The following IL1RAPL2 variants were observed in gnomAD, a reference collection of about 807,000 sequenced individuals.
IL1RAPL2 encodes the protein X-linked interleukin-1 receptor accessory protein-like 2.
IL1RAPL2 carries 3 observed loss-of-function variants against 44.1 expected under a neutral mutation model. That is an observed-to-expected ratio of 0.07 (90% CI 0.03 to 0.18). IL1RAPL2 has a LOEUF of 0.18. Among genes scored for constraint, IL1RAPL2 ranks in the 10% least tolerant of loss-of-function variants. IL1RAPL2 has a pLI of 1.00. For synonymous variants in IL1RAPL2, 181 were observed against 178.8 expected (o/e 1.01, Z -0.10); for missense variants, 391 against 496.4 (o/e 0.79, Z 2.02).
intron 2 of IL1RAPL2, among the ~76,000 whole-genome samples, chrX:105,165,182 C>A (rs1602986990): frequency 1.8e-5 from 2 of 111,946 alleles, no homozygotes; most frequent in South Asian, 7.6e-4. Flanking sequence ...CCTCTACATA[C>A]AGGAAATTAT....
chrX:104,782,462 T>G (rs1444643874), intron 2 of IL1RAPL2, among the ~76,000 whole-genome samples: 6 of 111,778 alleles, frequency 5.4e-5, no homozygotes, highest in Non-Finnish European at 9.4e-5. Context: ...ATGCTAATAT[T>G]CACTTAGTTT....
rs782412735 is a variant in IL1RAPL2 at position 105,198,307 on chromosome X, T to C, written c.356+2559T>C. Among the ~76,000 whole-genome samples, 24 of 111,981 alleles carry C rather than the reference T, an allele frequency of 2.1e-4. No homozygotes were observed. The South Asian group carries it at 8.9e-3, about 42-fold the overall frequency. ...TTGAATGGTTAAATATATAATATTGTATGTTGCTTAATATTTTATGATAAC... is the reference window on the plus strand; with the variant it reads ...TTGAATGGTTAAATATATAATATTGCATGTTGCTTAATATTTTATGATAAC... On this transcript the variant is annotated intron_variant, in intron 3 of 10. Coordinates refer to ENST00000372582, the MANE Select transcript of IL1RAPL2 (RefSeq NM_017416.2).
At chrX:105,526,504 C>G (rs1232028103) in intron 6 of IL1RAPL2, among the ~76,000 whole-genome samples, 1 of 111,697 alleles carries the variant, frequency 9.0e-6, no homozygotes, top group Non-Finnish European at 1.9e-5. Flanking sequence ...TATCAAAGAT[C>G]AAATCTTGAG....
intron 6 of IL1RAPL2, among the ~76,000 whole-genome samples, chrX:105,645,111 T>G (rs918653989): frequency 8.9e-6 from 1 of 111,900 alleles, no homozygotes; most frequent in African/African-American, 3.3e-5. Context: ...TCAGGTTTGA[T>G]GTTTGTGTTT....
intron 2 of IL1RAPL2, among the ~76,000 whole-genome samples, chrX:105,173,063 A>G (rs1373223668): frequency 9.0e-6 from 1 of 111,226 alleles, no homozygotes; most frequent in East Asian, 2.8e-4. Flanking sequence ...CTGAACTACA[A>G]TGACTAGGGG....
intron 2 of IL1RAPL2, among the ~76,000 whole-genome samples, chrX:105,012,674 C>CACACAGAGAG (rs1258556672): frequency 7.4e-5 from 6 of 81,276 alleles, no homozygotes; most frequent in African/African-American, 2.9e-4. Context: ...CACACACACA[C>CACACAGAGAG]AGAGAGAGAG....
chrX:104,934,712 C>T (rs753081249), intron 2 of IL1RAPL2, among the ~76,000 whole-genome samples: 9 of 111,565 alleles, frequency 8.1e-5, no homozygotes, highest in Non-Finnish European at 1.1e-4. Context: ...ATAGGCTCAT[C>T]GTAGTCTAGG....
intron 6 of IL1RAPL2, among the ~76,000 whole-genome samples, chrX:105,625,486 A>C (rs373022665): frequency 3.6e-5 from 4 of 112,207 alleles, no homozygotes; most frequent in South Asian, 7.4e-4. Context: ...TGTGTATCTG[A>C]CTTTAGTATG....
At chrX:104,907,987 C>T (rs1320022220) in intron 2 of IL1RAPL2, among the ~76,000 whole-genome samples, 3 of 110,329 alleles carry the variant, frequency 2.7e-5, no homozygotes, top group Non-Finnish European at 5.7e-5. Flanking sequence ...TTGGGTGCTC[C>T]TGTGTTGGGT....
At chrX:104,585,402 A>T (rs201061115) in intron 1 of IL1RAPL2, among the ~76,000 whole-genome samples, 7 of 13,912 alleles carry the variant, frequency 5.0e-4, no homozygotes, top group Admixed American at 1.2e-3. Flanking sequence ...ATAATATATA[A>T]TATATATATA....
chrX:105,299,228 G>C (rs1180938482), intron 5 of IL1RAPL2, among the ~76,000 whole-genome samples: 2 of 111,757 alleles, frequency 1.8e-5, no homozygotes, highest in Non-Finnish European at 3.8e-5. Context: ...GATGAGTTTG[G>C]ACATATGCAT....
chrX:105,635,576 ATG>A (rs1251491746), intron 6 of IL1RAPL2, among the ~76,000 whole-genome samples: 5 of 111,693 alleles, frequency 4.5e-5, no homozygotes, highest in African/African-American at 1.6e-4. Flanking sequence ...TTCTGGTACT[ATG>A]CTAAGCACTT....
intron 2 of IL1RAPL2, among the ~76,000 whole-genome samples, chrX:104,915,436 G>A (rs1322288349): frequency 9.0e-6 from 1 of 111,105 alleles, no homozygotes; most frequent in Admixed American, 9.6e-5. Context: ...TTGTAAATTT[G>A]TTGGAGTTCA....
intron 6 of IL1RAPL2, among the ~76,000 whole-genome samples, chrX:105,619,050 T>C (rs751200683): frequency 3.2e-4 from 35 of 110,987 alleles, no homozygotes; most frequent in African/African-American, 8.5e-4. Flanking sequence ...GACAGACTCC[T>C]GTAATGAAAG....
chrX:104,976,945 A>G (rs2030349405), intron 2 of IL1RAPL2, among the ~76,000 whole-genome samples: 2 of 111,158 alleles, frequency 1.8e-5, no homozygotes, highest in South Asian at 3.8e-4. Flanking sequence ...TTTAGGACTG[A>G]AAATAAAATG....
At chrX:105,555,492 T>A (rs894669554) in intron 6 of IL1RAPL2, among the ~76,000 whole-genome samples, 1 of 112,170 alleles carries the variant, frequency 8.9e-6, no homozygotes, top group African/African-American at 3.2e-5. Context: ...TACCAGTTAC[T>A]CTTTCGTGGC....
chrX:105,025,230 C>G (rs5917193), intron 2 of IL1RAPL2, among the ~76,000 whole-genome samples: 1 of 110,116 alleles, frequency 9.1e-6, no homozygotes, highest in Admixed American at 9.7e-5. Flanking sequence ...CAGGAGAAAG[C>G]TAAAACTTTG....
At chrX:104,617,545 G>T (rs1929304070) in intron 1 of IL1RAPL2, among the ~76,000 whole-genome samples, 2 of 111,876 alleles carry the variant, frequency 1.8e-5, no homozygotes, top group Admixed American at 9.5e-5. Flanking sequence ...ATTCCTTGAA[G>T]ACTTTGTTCT....
chrX:105,447,531 A>C (rs2035975751), intron 5 of IL1RAPL2, among the ~76,000 whole-genome samples: 2 of 77,197 alleles, frequency 2.6e-5, no homozygotes, highest in Non-Finnish European at 4.4e-5. Context: ...ATATAAACAT[A>C]AATATCAATA....
Sources: gnomAD v4.1 joint callset for allele counts (sites outside exome capture counted in the v4.1 genomes callset) on GRCh38, gnomAD v4.1.1 for gene constraint, MANE v1.5 for transcripts, NCBI Gene and HGNC (gene_info 2026-07-23, HGNC 2026-07-21) for gene names.